The following BOP1 variants were observed in gnomAD, a reference collection of about 807,000 sequenced individuals.
BOP1 encodes the protein BOP1 ribosomal biogenesis factor.
Under a neutral mutation model 82.9 loss-of-function variants are expected in BOP1, and 54 were observed. The ratio of observed to expected loss-of-function variants is 0.65; its 90% CI spans 0.52 to 0.82. The LOEUF is 0.82. Ranked by LOEUF, BOP1 falls within the 40% of genes least tolerant of loss-of-function variation. The pLI is 0.00. For missense variants in BOP1, 1,170 were observed against 1,072.0 expected, an observed-to-expected ratio of 1.09 and a Z score of -1.28; for synonymous variants, 566 against 451.1, an observed-to-expected ratio of 1.25 and a Z score of -3.23.
intron 9 of BOP1, 24 bp from the exon 10 acceptor site, chr8:144,263,785 A>C: frequency 6.2e-7 from 1 of 1,602,552 alleles, no homozygotes; most frequent in South Asian, 1.1e-5. Flanking sequence ...GGCAGTGAGG[A>C]GTCAGACTGG....
At chr8:144,266,800 G>A in intron 3 of BOP1, 1 of 1,134,192 alleles carries the variant, frequency 8.8e-7, no homozygotes, top group Non-Finnish European at 1.1e-6. Context: ...GCGGGCCGGG[G>A]GCGGGGGGCC....
chr8:144,265,387 T>C (rs913710507), intron 3 of BOP1: 1 of 510,040 alleles, frequency 2.0e-6, no homozygotes. Flanking sequence ...CAGACAGGGA[T>C]GACCTCATCA....
At chr8:144,282,321 G>A (rs1429219070) in intron 2 of BOP1, among the ~76,000 whole-genome samples, 1 of 152,206 alleles carries the variant, frequency 6.6e-6, no homozygotes, top group Non-Finnish European at 1.5e-5. Context: ...AAGGGCAGGG[G>A]CTGCAGAAAG....
In BOP1 at chr8:144,291,393, A is replaced by T; in HGVS notation, c.-23T>A. On this transcript the variant is annotated 5_prime_UTR_variant, in exon 1 of 16. Coordinates refer to ENST00000569669, the MANE Select transcript of BOP1 (RefSeq NM_015201.5). The surrounding 1 kb of genome is among the most constrained non-coding windows in gnomAD (Gnocchi z 4.1). ...CATGCCCCACCGCGCGCCGGCCGCCACCCGCACAGCCGCTTCCGACAGCGA... is the reference window on the plus strand; with the variant it reads ...CATGCCCCACCGCGCGCCGGCCGCCTCCCGCACAGCCGCTTCCGACAGCGA... The T allele has an allele frequency of 1.7e-6, 2 of 1,168,148 alleles. No homozygotes were observed. The highest frequency in any genetic ancestry group is 2.1e-6 in the Non-Finnish European group (2 of 951,172). The allele number at this position is 1,168,148 out of a possible 1,614,324, so 72.4% of individuals were successfully genotyped here.
chr8:144,276,701 T>C (rs1845572260), intron 2 of BOP1, among the ~76,000 whole-genome samples: 1 of 152,180 alleles, frequency 6.6e-6, no homozygotes, highest in Non-Finnish European at 1.5e-5. Flanking sequence ...GGGCCCCACA[T>C]GGCGCTCCTG....
At chr8:144,278,098 G>C (rs1461477515) in intron 2 of BOP1, among the ~76,000 whole-genome samples, 1 of 152,204 alleles carries the variant, frequency 6.6e-6, no homozygotes, top group Non-Finnish European at 1.5e-5. Context: ...ACTGAGGAGG[G>C]GTCGGGCCCG....
chr8:144,263,239 C>G lies in BOP1; in HGVS notation c.1587G>C (p.Leu529=), dbSNP rs1286892936. ...SEEERQVGLR[L]RICHGKPVTQ... is the part of the protein sequence containing the mutation. ...CACGTACCTTCCCGTGGCAGATGCG[C>G]AGCCGCAGGCCCACTTGGCGCTCCT... The change falls in exon 12 of 16, where the codon CTG becomes CTC. Residue 529 remains leucine (L), a synonymous_variant. Coordinates refer to ENST00000569669, the MANE Select transcript of BOP1 (RefSeq NM_015201.5). The G allele has an allele frequency of 6.9e-6, 11 of 1,594,844 alleles. No homozygotes were observed. Among genetic ancestry groups the G allele is most frequent in the Non-Finnish European group, 9.3e-6 (11 of 1,179,228 alleles).
At chr8:144,264,678 A>G in intron 5 of BOP1, 36 bp downstream of exon 5, 2 of 1,562,344 alleles carry the variant, frequency 1.3e-6, no homozygotes, top group Admixed American at 1.9e-5. Flanking sequence ...TGCCTCCAGG[A>G]CCCCCGCCGC....
In BOP1 at chr8:144,264,599, G is replaced by GA; in HGVS notation, c.680dup (p.Ser228GlnfsTer55). Reference sequence around the variant, plus strand: ...CCGGGTGGATCATGACGTCCCCGCTGAAGAAGTCGACAGCCGGCTGGGGGA... The same window carrying GA: ...CCGGGTGGATCATGACGTCCCCGCTGAAAGAAGTCGACAGCCGGCTGGGGGA... On this transcript the variant is annotated frameshift_variant, in exon 6 of 16. Coordinates refer to ENST00000569669, the MANE Select transcript of BOP1 (RefSeq NM_015201.5). LOFTEE classifies it high-confidence loss of function. 6.2e-7 allele frequency: 1 copy of GA among 1,603,286 alleles called. No homozygotes were observed.
rs914506462 is a variant in BOP1 at position 144,263,566 on chromosome 8, G to T, written c.1336C>A (p.Arg446Ser). The T allele has an allele frequency of 6.2e-7, 1 of 1,602,632 alleles. No homozygotes were observed. Among genetic ancestry groups the T allele is most frequent in the African/African-American group, 1.3e-5 (1 of 74,994 alleles). ...SLRLWEVATA[R>S]CVRTVPVGGV... ...CCCACGGGAACAGTCCTCACACAGCGGGCAGTGGCCACCTCCCAGAGCCGC... is the reference window on the plus strand; with the variant it reads ...CCCACGGGAACAGTCCTCACACAGCTGGCAGTGGCCACCTCCCAGAGCCGC... Residue 446 changes from arginine (R) to serine (S), a missense_variant, in exon 11 of 16, where the codon CGC becomes AGC. Arg to Ser is a moderately radical substitution (Grantham distance 110). Transcript: ENST00000569669.
chr8:144,264,893 T>C, intron 4 of BOP1, 24 bp downstream of exon 4: 2 of 1,595,824 alleles, frequency 1.3e-6, no homozygotes, highest in Non-Finnish European at 1.7e-6. Flanking sequence ...CCCCGGCTGC[T>C]GGCCCCACCC....
At chr8:144,267,983 G>A in intron 3 of BOP1, 2 of 1,442,316 alleles carry the variant, frequency 1.4e-6, no homozygotes, top group Non-Finnish European at 1.9e-6. Context: ...AAGCTGGGGA[G>A]AGCCGGGAAG....
chr8:144,262,954 G>A lies in BOP1; in HGVS notation c.1793C>T (p.Ser598Phe). 1.3e-6 allele frequency: 2 copies of A among 1,547,722 alleles called. No individual in the cohort carries two copies. The highest frequency in any genetic ancestry group is 1.7e-6 in the Non-Finnish European group (2 of 1,153,244). The part of the protein sequence containing the change: ...HPARPFLLVA[S>F]QRSVRLYHLL... ...GTGGTAGAGGCGGACGCTGCGCTGG[G>A]ACGCCACCAACAGGAAGGGCCGGGC... Residue 598 changes from serine (S) to phenylalanine (F), a missense_variant, in exon 13 of 16, where the codon TCC becomes TTC. Transcript: ENST00000569669.
Position 144,277,269 on chromosome 8 carries a change from A to T in BOP1, c.310-965T>A, listed in dbSNP as rs1016901732. On this transcript the variant is annotated intron_variant, in intron 2 of 15. Transcript: ENST00000569669. ...GACTAAGTTTTTTCCCAGGCCAGGAACAAGGAAGGATTCAGTTTCCACGTC... is the reference window on the plus strand; with the variant it reads ...GACTAAGTTTTTTCCCAGGCCAGGATCAAGGAAGGATTCAGTTTCCACGTC... Among the ~76,000 whole-genome samples the T allele has an allele frequency of 3.9e-5, 6 of 152,164 alleles. No homozygotes were observed. In the East Asian group the frequency reaches 1.2e-3, roughly 29 times the overall value.
Position 144,262,262 on chromosome 8 carries a change from G to C in BOP1, c.2143C>G (p.Leu715Val). 6.2e-7 allele frequency: 1 copy of C among 1,612,862 alleles called. No homozygotes were observed. The highest frequency in any genetic ancestry group is 8.5e-7 in the Non-Finnish European group (1 of 1,179,820). The change falls in exon 16 of 16, where the codon CTG (leucine) becomes GTG (valine). Residue 715 changes from leucine (L) to valine (V), a missense_variant. Transcript: ENST00000569669. ...VPVKVLKGHVLTRDLGVLDVI... is the reference protein window; with the variant it reads ...VPVKVLKGHVVTRDLGVLDVI... ...TCCAGCACTCCCAGATCTCGGGTCA[G>C]CACGTGTCCCTTCAGCACCTTGACG... is the stretch of plus-strand genomic sequence containing the variant.
intron 3 of BOP1, chr8:144,267,198 G>A: frequency 6.7e-7 from 1 of 1,499,354 alleles, no homozygotes; most frequent in Non-Finnish European, 8.8e-7. Context: ...CGGGCCGTGG[G>A]GCGCCGAGGG....
In BOP1 at chr8:144,262,665, G is replaced by A. The variant is rs938032796; in HGVS notation, c.1902C>T (p.Asn634=). The A allele has an allele frequency of 9.9e-6, 16 of 1,613,162 alleles. No individual in the cohort carries two copies. Among genetic ancestry groups the A allele is most frequent in the Non-Finnish European group, 1.4e-5 (16 of 1,179,794 alleles). Residue 634 remains asparagine (N), a synonymous_variant, in exon 14 of 16, where the codon AAC becomes AAT. Coordinates refer to ENST00000569669, the MANE Select transcript of BOP1 (RefSeq NM_015201.5). The part of the protein sequence containing the change: ...SSLAVHPAGD[N]VICGSYDSKL... ...TGCTATCGTAGCTCCCACAGATGAC[G>A]TTGTCACCTAGGGCCAAAGGCTGTG...
At chr8:144,267,247 A>G (rs1157389090) in intron 3 of BOP1, 10 of 1,437,204 alleles carry the variant, frequency 7.0e-6, no homozygotes, top group Non-Finnish European at 8.1e-6. Flanking sequence ...CCTGCCAGGC[A>G]GAGGAGGCGA....
intron 3 of BOP1, chr8:144,268,505 A>G (rs1845434191): frequency 2.8e-6 from 1 of 362,658 alleles, no homozygotes; most frequent in Admixed American, 4.5e-5. Context: ...TGTCCTCATG[A>G]AAGGTTCAGA....
Sources: allele counts gnomAD v4.1 joint callset (sites outside exome capture counted in the v4.1 genomes callset), GRCh38; gene constraint gnomAD v4.1.1; non-coding constraint Gnocchi (gnomAD v3.1); transcripts MANE v1.5; gene names NCBI Gene and HGNC (gene_info 2026-07-23, HGNC 2026-07-21).